STS: variants seen among roughly 807,000 people sequenced by gnomAD.
STS encodes the protein steroid sulfatase, also known as steryl-sulfatase.
A neutral mutation model predicts 26.8 loss-of-function variants in STS; 7 were observed. The observed-to-expected ratio is 0.26, with a 90% CI of 0.15 to 0.49. The LOEUF is 0.49. STS is among the 20% of genes least tolerant of loss of function. The pLI, the probability that STS is intolerant of heterozygous loss-of-function variation, is 0.98. For missense variants in STS, 434 were observed against 465.6 expected (o/e 0.93, Z 0.63); for synonymous variants, 199 against 189.4 (o/e 1.05, Z -0.42).
rs188929295 is a variant in STS, at chrX:7,325,262, C to A, written c.1082-77C>A. ...GCAGTTGGTTCTTCTACATTGAGCA[C>A]GAAAGAGTCCATTGAAGTGAGCATT... On this transcript the variant is annotated intron_variant, in intron 8 of 10. Coordinates refer to ENST00000674429, the MANE Select transcript of STS (RefSeq NM_001320752.2). 58 of 1,084,717 alleles carry A rather than the reference C, an allele frequency of 5.3e-5. No homozygotes were observed. The Admixed American group carries it at 6.3e-4, about 12-fold the overall frequency. The allele number at this position is 1,084,717 out of a possible 1,213,427, so 89.4% of individuals were successfully genotyped here. A position where few individuals can be genotyped will look rare whatever the true frequency, so the allele number is the denominator to read the frequency against.
intron 2 of STS, among the ~76,000 whole-genome samples, chrX:7,241,505 A>AGAG (rs1235418035): frequency 8.9e-6 from 1 of 112,205 alleles, no homozygotes; most frequent in East Asian, 2.8e-4. Context: ...GTTGCTGAGC[A>AGAG]GAGACATGTG....
At chrX:7,207,143 T>C (rs73192675) in intron 2 of STS, among the ~76,000 whole-genome samples, 6,787 of 111,603 alleles carry the variant, frequency 0.061, 206 homozygotes, top group Non-Finnish European at 0.094. Flanking sequence ...TGAGCTGAGA[T>C]TGTACCACTG....
chrX:7,205,043 A>G (rs1358840823), intron 2 of STS, among the ~76,000 whole-genome samples: 1 of 111,650 alleles, frequency 9.0e-6, no homozygotes, highest in Admixed American at 9.5e-5. Context: ...CTGTTGTTGT[A>G]CACACACTGG....
intron 1 of STS, among the ~76,000 whole-genome samples, chrX:7,167,036 A>T (rs1933365047): frequency 9.0e-6 from 1 of 111,155 alleles, no homozygotes; most frequent in South Asian, 3.8e-4. Flanking sequence ...TAAAACAAAT[A>T]CCCATTGAGG....
At chrX:7,302,790 T>C (rs982180120) in intron 7 of STS, among the ~76,000 whole-genome samples, 2 of 111,540 alleles carry the variant, frequency 1.8e-5, no homozygotes, top group South Asian at 3.7e-4. Context: ...GGTCTGGCAC[T>C]GCAGGGTGTG....
At chrX:7,275,901 A>T in intron 6 of STS, 50 bp from the exon 7 acceptor site, 1 of 1,145,213 alleles carries the variant, frequency 8.7e-7, no homozygotes. Context: ...GACATACTTA[A>T]CATTATCTGT....
chrX:7,213,641 T>TTCCTTC (rs755219809), intron 2 of STS, among the ~76,000 whole-genome samples: 1 of 111,867 alleles, frequency 8.9e-6, no homozygotes, highest in African/African-American at 3.2e-5. Flanking sequence ...ATATTTTGGT[T>TTCCTTC]TCCTTCGTGT....
At chrX:7,159,595 G>A (rs1933202469) in intron 1 of STS, among the ~76,000 whole-genome samples, 1 of 112,122 alleles carries the variant, frequency 8.9e-6, no homozygotes. Flanking sequence ...ACCATGCAAT[G>A]CAAAATTCAG....
intron 8 of STS, among the ~76,000 whole-genome samples, chrX:7,306,296 G>A (rs1926213007): frequency 9.0e-6 from 1 of 110,880 alleles, no homozygotes; most frequent in Non-Finnish European, 1.9e-5. Context: ...AAAGTGATAT[G>A]ATACCTAAAA....
At chrX:7,242,004 T>C (rs1411685616) in intron 2 of STS, among the ~76,000 whole-genome samples, 3 of 111,517 alleles carry the variant, frequency 2.7e-5, no homozygotes, top group Non-Finnish European at 5.6e-5. Flanking sequence ...CAATGGCCAC[T>C]TACTTCATCC....
At chrX:7,152,053 C>T (rs1315042955) in intron 1 of STS, among the ~76,000 whole-genome samples, 3 of 110,822 alleles carry the variant, frequency 2.7e-5, no homozygotes, top group African/African-American at 6.6e-5. Flanking sequence ...CTCGGGTTCA[C>T]GCCGTTCTCC....
chrX:7,346,635 A>C (rs1376920852), intron 10 of STS, among the ~76,000 whole-genome samples: 1 of 112,143 alleles, frequency 8.9e-6, no homozygotes, highest in African/African-American at 3.2e-5. Flanking sequence ...TTATCAGAGC[A>C]GTTGATGATA....
intron 7 of STS, among the ~76,000 whole-genome samples, chrX:7,279,379 A>G (rs1446340031): frequency 5.2e-4 from 38 of 72,532 alleles, no homozygotes; most frequent in Admixed American, 1.7e-3. Flanking sequence ...GTGTGTGTGT[A>G]TATATATGTG....
intron 7 of STS, among the ~76,000 whole-genome samples, chrX:7,300,200 G>T (rs2147134441): frequency 8.9e-6 from 1 of 112,061 alleles, no homozygotes; most frequent in Admixed American, 9.5e-5. Context: ...GTTATCTCCA[G>T]TTAAATAACA....
intron 7 of STS, among the ~76,000 whole-genome samples, chrX:7,282,335 GGACTGC>G (rs1331672552): frequency 9.0e-6 from 1 of 111,625 alleles, no homozygotes; most frequent in Non-Finnish European, 1.9e-5. Flanking sequence ...TGAGTAGCTG[GGACTGC>G]AGATGCTTGC....
At chrX:7,322,412 C>G (rs754942566) in intron 8 of STS, among the ~76,000 whole-genome samples, 29 of 111,784 alleles carry the variant, frequency 2.6e-4, no homozygotes, top group Middle Eastern at 4.7e-3. Flanking sequence ...CTCTCTTTTT[C>G]TTTTCTGAGA....
At chrX:7,246,171 G>C (rs1922859135) in intron 2 of STS, among the ~76,000 whole-genome samples, 1 of 111,494 alleles carries the variant, frequency 9.0e-6, no homozygotes, top group South Asian at 3.7e-4. Flanking sequence ...ATCATCTTGA[G>C]CCTAGCCGTA....
At chrX:7,349,795 A>G in intron 10 of STS, 93 bp from the exon 11 acceptor site, 2 of 1,131,073 alleles carry the variant, frequency 1.8e-6, no homozygotes, top group Non-Finnish European at 2.4e-6. Flanking sequence ...TTCTTAAAGC[A>G]CATGGCAGCA....
intron 5 of STS, among the ~76,000 whole-genome samples, chrX:7,258,013 T>C (rs1166181972): frequency 1.2e-4 from 3 of 25,475 alleles, no homozygotes; most frequent in African/African-American, 2.6e-4. Context: ...ATAGATGGGA[T>C]GGATGGATGG....
Sources: gnomAD v4.1 joint callset for allele counts (sites outside exome capture counted in the v4.1 genomes callset) on GRCh38, gnomAD v4.1.1 for gene constraint, MANE v1.5 for transcripts, NCBI Gene and HGNC (gene_info 2026-07-23, HGNC 2026-07-21) for gene names.